The following YWHAG variants were observed in gnomAD, a reference collection of about 807,000 sequenced individuals.
YWHAG encodes tyrosine 3-monooxygenase/tryptophan 5-monooxygenase activation protein gamma.
In YWHAG, 1 loss-of-function variant was observed where a neutral mutation model predicts 23.3. The observed-to-expected ratio is 0.04, with a 90% CI of 0.02 to 0.20. YWHAG has a LOEUF of 0.20. YWHAG is among the 10% of genes least tolerant of loss of function. The pLI is 1.00. For synonymous variants in YWHAG, 160 were observed against 144.0 expected (o/e 1.11, Z -0.80); for missense variants, 151 against 338.6 (o/e 0.45, Z 4.35).
rs997828550 is a variant in YWHAG, at chr7:76,330,364, G to A, written c.88-131C>T. 2.3e-5 allele frequency: 23 copies of A among 994,576 alleles called. No homozygotes were observed. The African/African-American group carries it at 3.3e-4, about 14-fold the overall frequency. The allele number at this position is 994,576 out of a possible 1,614,324, so 61.6% of individuals were successfully genotyped here. ...AGAAGGAAATTACTTTGTGTGGGCT[G>A]GGGGAAGGGGGCTGGAGGTGGAGCA... On this transcript the variant is annotated intron_variant, in intron 1 of 1. Transcript: ENST00000307630.
chr7:76,354,300 C>T (rs1320224517), intron 1 of YWHAG, among the ~76,000 whole-genome samples: 1 of 152,062 alleles, frequency 6.6e-6, no homozygotes, highest in Non-Finnish European at 1.5e-5. Flanking sequence ...CACCTGAAGT[C>T]AGGAGTTCGA....
At chr7:76,342,329 T>G (rs992558690) in intron 1 of YWHAG, among the ~76,000 whole-genome samples, 1 of 152,214 alleles carries the variant, frequency 6.6e-6, no homozygotes, top group Non-Finnish European at 1.5e-5. Context: ...GAACTCACTC[T>G]GAAATGCAGA....
At chr7:76,353,233 G>A (rs1803900674) in intron 1 of YWHAG, among the ~76,000 whole-genome samples, 2 of 151,506 alleles carry the variant, frequency 1.3e-5, no homozygotes, top group Admixed American at 1.3e-4. Flanking sequence ...TTTTTTTCAA[G>A]ATGGAGTCTT....
At chr7:76,358,465 C>A (rs1803996203) in intron 1 of YWHAG, among the ~76,000 whole-genome samples, 2 of 152,108 alleles carry the variant, frequency 1.3e-5, no homozygotes. Flanking sequence ...AAGTCCAGCC[C>A]CGCGGGACCT....
At chr7:76,333,764 G>A (rs1004098077) in intron 1 of YWHAG, among the ~76,000 whole-genome samples, 1 of 152,248 alleles carries the variant, frequency 6.6e-6, no homozygotes, top group Non-Finnish European at 1.5e-5. Flanking sequence ...GCCCCGCGGT[G>A]CAGCCCTCAT....
At chr7:76,339,776 T>C (rs948243753) in intron 1 of YWHAG, among the ~76,000 whole-genome samples, 2 of 151,996 alleles carry the variant, frequency 1.3e-5, no homozygotes, top group Admixed American at 6.6e-5. Flanking sequence ...GTAAATACAG[T>C]TTCTCTTATG....
At chr7:76,357,740 G>A (rs953796846) in intron 1 of YWHAG, among the ~76,000 whole-genome samples, 4 of 152,274 alleles carry the variant, frequency 2.6e-5, no homozygotes, top group South Asian at 2.1e-4. Context: ...CCTCCACCCA[G>A]TCTAGGCTCT....
chr7:76,358,020 T>C (rs144255280), intron 1 of YWHAG, among the ~76,000 whole-genome samples: 3 of 152,328 alleles, frequency 2.0e-5, no homozygotes, highest in African/African-American at 7.2e-5. Context: ...ATGTTGAGAA[T>C]GATCAATGAA....
In YWHAG at chr7:76,328,229, C is replaced by T. The variant is rs758577390; in HGVS notation, c.*1348G>A. ...TGTTTCCGTCAATTCCAAATGTGCA[C>T]TGGCTGCGTGAGACAAGCCAATCTC... On this transcript the variant is annotated 3_prime_UTR_variant, in exon 2 of 2. Coordinates refer to ENST00000307630, the MANE Select transcript of YWHAG (RefSeq NM_012479.4). 2 of 152,162 alleles carry T rather than the reference C, an allele frequency of 1.3e-5. No homozygotes were observed. The highest frequency in any genetic ancestry group is 2.9e-5 in the Non-Finnish European group (2 of 68,048). 9.4% of individuals were successfully genotyped at this position (152,162 alleles called of 1,614,324 possible). A position where few individuals can be genotyped will look rare whatever the true frequency, so the allele number is the denominator to read the frequency against.
chr7:76,350,026 C>T (rs1250841434), intron 1 of YWHAG, among the ~76,000 whole-genome samples: 1 of 152,070 alleles, frequency 6.6e-6, no homozygotes, highest in Non-Finnish European at 1.5e-5. Flanking sequence ...AAATAATCCC[C>T]GAGGAGGCCA....
intron 1 of YWHAG, among the ~76,000 whole-genome samples, chr7:76,347,570 G>A (rs551558875): frequency 6.7e-6 from 1 of 149,496 alleles, no homozygotes; most frequent in African/African-American, 2.5e-5. Flanking sequence ...TGGGAAATAA[G>A]AGGGAAAATC....
chr7:76,337,782 C>T (rs1474721490), intron 1 of YWHAG, among the ~76,000 whole-genome samples: 12 of 152,156 alleles, frequency 7.9e-5, no homozygotes, highest in Non-Finnish European at 1.6e-4. Flanking sequence ...GTGATCCGCC[C>T]GCCTCAGCCT....
chr7:76,348,830 C>T (rs1803826467), intron 1 of YWHAG, among the ~76,000 whole-genome samples: 1 of 152,082 alleles, frequency 6.6e-6, no homozygotes, highest in African/African-American at 2.4e-5. Flanking sequence ...GTGAGTCAGC[C>T]AGCCTCCCAA....
intron 1 of YWHAG, among the ~76,000 whole-genome samples, chr7:76,330,660 A>G (rs1236924807): frequency 6.6e-6 from 1 of 152,184 alleles, no homozygotes; most frequent in Non-Finnish European, 1.5e-5. Context: ...CTTCAAGCTG[A>G]CTTCTGAGAA....
chr7:76,346,666 T>C (rs1803783381), intron 1 of YWHAG, among the ~76,000 whole-genome samples: 1 of 152,136 alleles, frequency 6.6e-6, no homozygotes, highest in South Asian at 2.1e-4. Context: ...TTGCCGTTCT[T>C]GTCCAGGTCC....
chr7:76,355,630 G>T (rs981587912), intron 1 of YWHAG, among the ~76,000 whole-genome samples: 1 of 152,120 alleles, frequency 6.6e-6, no homozygotes, highest in Admixed American at 6.5e-5. Flanking sequence ...TCCTGGAAGA[G>T]CCTGGGGGGG....
intron 1 of YWHAG, among the ~76,000 whole-genome samples, chr7:76,351,853 T>C (rs910351109): frequency 1.3e-5 from 2 of 152,188 alleles, no homozygotes; most frequent in African/African-American, 4.8e-5. Flanking sequence ...ATAAATGCAA[T>C]GTGCTTGATT....
intron 1 of YWHAG, among the ~76,000 whole-genome samples, chr7:76,337,691 C>T (rs1803635440): frequency 6.6e-6 from 1 of 151,932 alleles, no homozygotes; most frequent in South Asian, 2.1e-4. Context: ...CCCACCACCA[C>T]ACCCAGCTAA....
At chr7:76,337,263 G>A (rs1803629861) in intron 1 of YWHAG, among the ~76,000 whole-genome samples, 1 of 152,122 alleles carries the variant, frequency 6.6e-6, no homozygotes, top group Non-Finnish European at 1.5e-5. Flanking sequence ...GCTCACTGTT[G>A]CCAATCTGTT....
Sources: allele counts gnomAD v4.1 joint callset (sites outside exome capture counted in the v4.1 genomes callset), GRCh38; gene constraint gnomAD v4.1.1; transcripts MANE v1.5; gene names NCBI Gene and HGNC (gene_info 2026-07-23, HGNC 2026-07-21).